Variants in DUS2 observed in about 807,000 individuals in gnomAD.
DUS2 encodes the protein dihydrouridine synthase 2, also known as tRNA-dihydrouridine(20) synthase [NAD(P)+]-like.
In DUS2, 52 loss-of-function variants were observed where a neutral mutation model predicts 71.3. The ratio of observed to expected loss-of-function variants is 0.73; its 90% CI spans 0.58 to 0.92. DUS2 has a LOEUF of 0.92. DUS2 is among the 40% of genes least tolerant of loss of function. DUS2 has a pLI of 0.00. For synonymous variants in DUS2, 204 were observed against 227.8 expected (o/e 0.90, Z 0.94); for missense variants, 558 against 622.6 (o/e 0.90, Z 1.10).
At chr16:68,055,833 TTTC>T (rs2033844547) in intron 6 of DUS2, among the ~76,000 whole-genome samples, 1 of 144,192 alleles carries the variant, frequency 6.9e-6, no homozygotes, top group South Asian at 2.5e-4. Flanking sequence ...TTGCCATTAC[TTTC>T]AATGGCAAAA....
chr16:68,023,363 C>T lies in DUS2; in HGVS notation c.-99+12C>T, dbSNP rs2033289887. The T allele has an allele frequency of 1.2e-6, 1 of 866,912 alleles. No homozygotes were observed. Among genetic ancestry groups the T allele is most frequent in the Non-Finnish European group, 1.7e-6 (1 of 575,616 alleles). 53.7% of individuals were successfully genotyped at this position (866,912 alleles called of 1,614,324 possible). A position where few individuals can be genotyped will look rare whatever the true frequency, so the allele number is the denominator to read the frequency against. On this transcript the variant is annotated intron_variant, in intron 1 of 16. Coordinates refer to ENST00000565263, the MANE Select transcript of DUS2 (RefSeq NM_017803.5). ...AGTTCAGCTGCGAGGTCTGTAGCTC[C>T]GAATAGGGGATGGCGACATCCAGAC...
intron 8 of DUS2, among the ~76,000 whole-genome samples, chr16:68,065,992 C>G (rs1469968191): frequency 2.0e-5 from 3 of 152,254 alleles, no homozygotes; most frequent in East Asian, 1.9e-4. Context: ...CCAGATAATT[C>G]TGGTATTTGT....
chr16:68,037,586 T>C (rs908998087), intron 2 of DUS2, among the ~76,000 whole-genome samples: 4 of 152,110 alleles, frequency 2.6e-5, no homozygotes, highest in Admixed American at 2.0e-4. Flanking sequence ...CCCAGCTAAT[T>C]TTTGTATTTT....
Position 68,041,208 on chromosome 16 carries a change from A to G in DUS2, c.126+3059A>G, listed in dbSNP as rs1279248127. Among the ~76,000 whole-genome samples the G allele has an allele frequency of 2.6e-5, 4 of 152,128 alleles. No homozygotes were observed. The South Asian group carries it at 6.2e-4, about 24-fold the overall frequency. On this transcript the variant is annotated intron_variant, in intron 3 of 16. Transcript: ENST00000565263. ...GCCACTGCACTCCAGCCTGGGCGAC[A>G]GAACAAAACAAAACAAAACACAACC...
At chr16:68,062,593 C>T (rs1268815641) in intron 8 of DUS2, among the ~76,000 whole-genome samples, 1 of 151,478 alleles carries the variant, frequency 6.6e-6, no homozygotes, top group Non-Finnish European at 1.5e-5. Context: ...GTGGCGGGTG[C>T]CTGTGGTCCC....
intron 13 of DUS2, 115 bp downstream of exon 13, chr16:68,074,270 AGAG>A: frequency 7.6e-7 from 1 of 1,324,420 alleles, no homozygotes; most frequent in Non-Finnish European, 1.0e-6. Flanking sequence ...ATGTAGATGT[AGAG>A]GAGTGGAGTG....
At chr16:68,036,810 G>A (rs2033536990) in intron 2 of DUS2, among the ~76,000 whole-genome samples, 11 of 152,028 alleles carry the variant, frequency 7.2e-5, no homozygotes, top group Admixed American at 7.2e-4. Context: ...CTTGCCTCAG[G>A]ACCTTTGCAT....
chr16:68,066,463 T>A, intron 9 of DUS2, 81 bp downstream of exon 9: 1 of 1,588,858 alleles, frequency 6.3e-7, no homozygotes, highest in South Asian at 1.1e-5. Context: ...CTTGAGGTGC[T>A]AAATTAGGCT....
chr16:68,049,368 C>T (rs533356409), intron 3 of DUS2, 137 bp from the exon 4 acceptor site: 77 of 792,834 alleles, frequency 9.7e-5, no homozygotes, highest in Non-Finnish European at 1.5e-4. Flanking sequence ...AATAGCACTA[C>T]ATGTCCCAAA....
intron 16 of DUS2, 93 bp downstream of exon 16, chr16:68,078,611 T>C: frequency 6.6e-7 from 1 of 1,516,076 alleles, no homozygotes; most frequent in Non-Finnish European, 9.1e-7. Context: ...GAGGGTTGGG[T>C]AGATGGTATA....
Position 68,063,218 on chromosome 16 carries a change from GC to G in DUS2, c.417+2109del, listed in dbSNP as rs1182462109. Among the ~76,000 whole-genome samples the G allele has an allele frequency of 3.3e-5, 5 of 152,336 alleles. No homozygotes were observed. The East Asian group carries it at 5.8e-4, about 18-fold the overall frequency. On this transcript the variant is annotated intron_variant, in intron 8 of 16. Coordinates refer to ENST00000565263, the MANE Select transcript of DUS2 (RefSeq NM_017803.5). Reference sequence around the variant, plus strand: ...CAGGTTGGACTGATAGATGGGGTTTGCCCCATGGTAGGGAGGTTGCAGGCTT... The same window carrying G: ...CAGGTTGGACTGATAGATGGGGTTTGCCCATGGTAGGGAGGTTGCAGGCTT...
At chr16:68,024,802 C>G (rs1397573774) in intron 1 of DUS2, among the ~76,000 whole-genome samples, 1 of 151,286 alleles carries the variant, frequency 6.6e-6, no homozygotes, top group African/African-American at 2.4e-5. Context: ...TGCCCTTTCC[C>G]TCCCACCATA....
At chr16:68,049,999 C>T (rs2033756115) in intron 4 of DUS2, among the ~76,000 whole-genome samples, 1 of 152,156 alleles carries the variant, frequency 6.6e-6, no homozygotes, top group Admixed American at 6.5e-5. Context: ...CATGTAAGTA[C>T]TGTGGACGCC....
At chr16:68,066,759 G>C (rs2034011072) in intron 10 of DUS2, 123 bp downstream of exon 10, 1 of 962,886 alleles carries the variant, frequency 1.0e-6, no homozygotes, top group African/African-American at 1.6e-5. Context: ...GCCTACCTCT[G>C]CCTAGCTCTT....
chr16:68,066,539 A>G (rs746424094), intron 9 of DUS2, 27 bp from the exon 10 acceptor site: 13 of 1,613,276 alleles, frequency 8.1e-6, no homozygotes, highest in Non-Finnish European at 1.1e-5. Context: ...AGCTTCAGTA[A>G]CCATCCTGTG....
At chr16:68,073,887 C>A in intron 12 of DUS2, 147 bp from the exon 13 acceptor site, 1 of 919,180 alleles carries the variant, frequency 1.1e-6, no homozygotes, top group Non-Finnish European at 1.6e-6. Context: ...CTGCTCCTGG[C>A]CAGTGGTGGT....
chr16:68,038,797 C>T (rs1319417981), intron 3 of DUS2, among the ~76,000 whole-genome samples: 1 of 150,952 alleles, frequency 6.6e-6, no homozygotes, highest in Non-Finnish European at 1.5e-5. Flanking sequence ...TGCCGTAATA[C>T]TAGTACTTTG....
chr16:68,074,306 G>C lies in DUS2; in HGVS notation c.932+151G>C, dbSNP rs574691182. 3 of 1,065,828 alleles carry C rather than the reference G, an allele frequency of 2.8e-6. No individual in the cohort carries two copies. In the African/African-American group the frequency reaches 4.8e-5, roughly 17 times the overall value. 66.0% of individuals were successfully genotyped at this position (1,065,828 alleles called of 1,614,324 possible). ...GTGATGGTACAGCTTTGCCTCCCAG[G>C]AGGGGATTCTTTGAAAGCTTTGAAA... On this transcript the variant is annotated intron_variant, in intron 13 of 16. Transcript: ENST00000565263.
intron 8 of DUS2, 59 bp from the exon 9 acceptor site, chr16:68,066,258 A>G (rs1280620780): frequency 5.3e-6 from 8 of 1,512,924 alleles, no homozygotes; most frequent in Non-Finnish European, 7.4e-6. Flanking sequence ...TAATTAGTAC[A>G]GGCAGAGTGA....
Sources: gnomAD v4.1 joint callset for allele counts (sites outside exome capture counted in the v4.1 genomes callset) on GRCh38, gnomAD v4.1.1 for gene constraint, MANE v1.5 for transcripts, NCBI Gene and HGNC (gene_info 2026-07-23, HGNC 2026-07-21) for gene names.